The following MARCHF8 variants were observed in gnomAD, a reference collection of about 807,000 sequenced individuals.
MARCHF8 encodes the protein E3 ubiquitin-protein ligase MARCHF8.
A neutral mutation model predicts 51.6 loss-of-function variants in MARCHF8; 40 were observed. That is an observed-to-expected ratio of 0.77 (90% CI 0.60 to 1.01). The LOEUF (loss-of-function observed/expected upper bound fraction) is 1.01. Among genes scored for constraint, MARCHF8 ranks in the 50% least tolerant of loss-of-function variants. The probability of loss-of-function intolerance (pLI) is 0.00; values close to 1 mark genes in which losing one functional copy is unlikely to be tolerated. For synonymous variants in MARCHF8, 263 were observed against 280.3 expected, an observed-to-expected ratio of 0.94 and a Z score of 0.62; for missense variants, 685 against 708.6, an observed-to-expected ratio of 0.97 and a Z score of 0.38.
intron 2 of MARCHF8, among the ~76,000 whole-genome samples, chr10:45,506,207 G>A (rs2043380459): frequency 6.6e-6 from 1 of 152,104 alleles, no homozygotes; most frequent in Non-Finnish European, 1.5e-5. Context: ...ACCAATTATT[G>A]AGCTGTATTA....
intron 1 of MARCHF8, among the ~76,000 whole-genome samples, chr10:45,583,308 A>G (rs1259794896): frequency 6.6e-6 from 1 of 152,172 alleles, no homozygotes; most frequent in African/African-American, 2.4e-5. Context: ...AAAACGGGAC[A>G]ACCAATTGCC....
At chr10:45,480,478 GA>G (rs34621549) in intron 3 of MARCHF8, among the ~76,000 whole-genome samples, 8,755 of 150,774 alleles carry the variant, frequency 0.058, 297 homozygotes, top group Non-Finnish European at 0.068. Context: ...GGACTAGGAG[GA>G]AAAAAAAATG....
intron 2 of MARCHF8, among the ~76,000 whole-genome samples, chr10:45,526,719 A>T (rs2043800180): frequency 6.6e-6 from 1 of 152,096 alleles, no homozygotes; most frequent in Non-Finnish European, 1.5e-5. Flanking sequence ...GAGACAGAAA[A>T]AAAAAGAAAA....
At chr10:45,508,178 T>C (rs964586756) in intron 2 of MARCHF8, among the ~76,000 whole-genome samples, 1 of 152,154 alleles carries the variant, frequency 6.6e-6, no homozygotes, top group African/African-American at 2.4e-5. Flanking sequence ...TTCCTAAGTG[T>C]TGAAATCTCC....
chr10:45,541,426 G>C (rs538086689), intron 1 of MARCHF8, among the ~76,000 whole-genome samples: 21 of 152,228 alleles, frequency 1.4e-4, no homozygotes, highest in East Asian at 3.9e-4. Context: ...GTTGCGGGGT[G>C]GGGGGCTAGG....
intron 2 of MARCHF8, among the ~76,000 whole-genome samples, chr10:45,528,256 C>A (rs2043823118): frequency 6.6e-6 from 1 of 152,012 alleles, no homozygotes; most frequent in African/African-American, 2.4e-5. Context: ...CGGGCCAGAG[C>A]AGTAATGCAA....
chr10:45,551,249 G>GGC (rs2044191143), intron 1 of MARCHF8, among the ~76,000 whole-genome samples: 1 of 152,094 alleles, frequency 6.6e-6, no homozygotes, highest in Admixed American at 6.5e-5. Context: ...ATATTCACCA[G>GGC]GCCCTCCCTG....
At chr10:45,571,637 GC>G (rs36061300) in intron 1 of MARCHF8, among the ~76,000 whole-genome samples, 9,374 of 152,200 alleles carry the variant, frequency 0.062, 330 homozygotes, top group Non-Finnish European at 0.066. Flanking sequence ...CCTGCTCTTT[GC>G]TCTGTGAGAA....
chr10:45,486,249 G>T (rs1424509517), intron 3 of MARCHF8, among the ~76,000 whole-genome samples: 1 of 152,116 alleles, frequency 6.6e-6, no homozygotes, highest in Non-Finnish European at 1.5e-5. Flanking sequence ...GTGTCCAGTC[G>T]CAAACAGCAC....
chr10:45,550,489 T>G (rs751877637), intron 1 of MARCHF8, among the ~76,000 whole-genome samples: 12 of 152,236 alleles, frequency 7.9e-5, no homozygotes, highest in Non-Finnish European at 1.2e-4. Flanking sequence ...CAATGCAGCA[T>G]GTAAGGACAG....
chr10:45,528,474 G>GT (rs1371797169), intron 2 of MARCHF8, among the ~76,000 whole-genome samples: 1 of 152,034 alleles, frequency 6.6e-6, no homozygotes, highest in Non-Finnish European at 1.5e-5. Flanking sequence ...TTCTTTGTTT[G>GT]TTTTTGAAAC....
chr10:45,492,095 A>G (rs2043090763), intron 2 of MARCHF8, among the ~76,000 whole-genome samples: 1 of 152,198 alleles, frequency 6.6e-6, no homozygotes, highest in African/African-American at 2.4e-5. Context: ...TTCTTGTTAG[A>G]ACAATTCATA....
chr10:45,548,931 G>T (rs1201265402), intron 1 of MARCHF8, among the ~76,000 whole-genome samples: 1 of 150,966 alleles, frequency 6.6e-6, no homozygotes, highest in Non-Finnish European at 1.5e-5. Context: ...GGAAGTGGAG[G>T]TTGCAGTGAC....
In MARCHF8 at chr10:45,463,510, C is replaced by T; in HGVS notation, c.729G>A (p.Leu243=). Residue 243 remains leucine (L), a synonymous_variant, in exon 5 of 8, where the codon CTG becomes CTA. Transcript: ENST00000453424. ...TGGCCTCACCATCCGCCTTCTCTTC[C>T]AGCAGCAGGCCGGGCCTGCCCCCCT... ...AGKGGRPGLL[L]EEKADGEATS... 1 of 1,550,642 alleles carries T rather than the reference C, an allele frequency of 6.4e-7. No homozygotes were observed. The highest frequency in any genetic ancestry group is 8.7e-7 in the Non-Finnish European group (1 of 1,147,012).
chr10:45,539,785 T>C (rs527525658), upstream of MARCHF8, among the ~76,000 whole-genome samples: 2 of 152,324 alleles, frequency 1.3e-5, no homozygotes, highest in East Asian at 1.9e-4. Context: ...GATGATATGA[T>C]TGTATATCTA....
intron 2 of MARCHF8, among the ~76,000 whole-genome samples, chr10:45,529,912 T>C (rs2043850128): frequency 6.6e-6 from 1 of 152,180 alleles, no homozygotes; most frequent in Admixed American, 6.5e-5. Context: ...GAAATACCAT[T>C]TGATCCAGTG....
intron 2 of MARCHF8, among the ~76,000 whole-genome samples, chr10:45,519,094 G>T (rs527275745): frequency 2.0e-5 from 3 of 152,226 alleles, no homozygotes; most frequent in Non-Finnish European, 4.4e-5. Context: ...TTTTCAATTT[G>T]ATCTTAAAAT....
intron 1 of MARCHF8, among the ~76,000 whole-genome samples, chr10:45,589,138 C>T (rs2044650372): frequency 2.6e-5 from 4 of 151,972 alleles, no homozygotes; most frequent in Admixed American, 2.6e-4. Flanking sequence ...ACAAGTTAAC[C>T]CAAAACTCAG....
At chr10:45,515,948 C>G (rs921528753) in intron 2 of MARCHF8, among the ~76,000 whole-genome samples, 1 of 152,208 alleles carries the variant, frequency 6.6e-6, no homozygotes, top group Non-Finnish European at 1.5e-5. Context: ...ATTCTGTAAT[C>G]CCCTCAATGT....
Sources: gnomAD v4.1 joint callset for allele counts (sites outside exome capture counted in the v4.1 genomes callset) on GRCh38, gnomAD v4.1.1 for gene constraint, MANE v1.5 for transcripts, NCBI Gene and HGNC (gene_info 2026-07-23, HGNC 2026-07-21) for gene names.